Variants in ZDHHC2 observed in about 807,000 individuals in gnomAD.
The protein encoded by ZDHHC2 is palmitoyltransferase ZDHHC2.
A neutral mutation model predicts 55.6 loss-of-function variants in ZDHHC2; 51 were observed. The ratio of observed to expected loss-of-function variants is 0.92; its 90% CI spans 0.73 to 1.16. The LOEUF (loss-of-function observed/expected upper bound fraction) is 1.16. Among genes scored for constraint, ZDHHC2 ranks in the 50% most tolerant of loss-of-function variants. The pLI is 0.00. For missense variants in ZDHHC2, 491 were observed against 442.4 expected (o/e 1.11, Z -0.99); for synonymous variants, 199 against 152.9 (o/e 1.30, Z -2.22).
Position 17,156,864 on chromosome 8 carries a change from C to A in ZDHHC2, c.130+11C>A. The A allele has an allele frequency of 6.7e-7, 1 of 1,489,450 alleles. No individual in the cohort carries two copies. The highest frequency in any genetic ancestry group is 8.9e-7 in the Non-Finnish European group (1 of 1,118,680). The allele number at this position is 1,489,450 out of a possible 1,614,324, so 92.3% of individuals were successfully genotyped here. A position where few individuals can be genotyped will look rare whatever the true frequency, so the allele number is the denominator to read the frequency against. ...TCCAGCTGTGCATAGGTGAGTGCGCCCCCCGCCGCGGCGCCCCCAGCGCAG... is the reference window on the plus strand; with the variant it reads ...TCCAGCTGTGCATAGGTGAGTGCGCACCCCGCCGCGGCGCCCCCAGCGCAG... On this transcript the variant is annotated intron_variant, in intron 1 of 12. Transcript: ENST00000262096.
chr8:17,185,576 A>T (rs1362036485), intron 2 of ZDHHC2, among the ~76,000 whole-genome samples: 1 of 152,100 alleles, frequency 6.6e-6, no homozygotes, highest in Non-Finnish European at 1.5e-5. Context: ...AGGCTGAGGT[A>T]GGAGGATTGC....
At chr8:17,205,601 A>G in intron 6 of ZDHHC2, 54 bp from the exon 7 acceptor site, 2 of 1,509,306 alleles carry the variant, frequency 1.3e-6, no homozygotes, top group South Asian at 1.4e-5. Context: ...GAGCATATGC[A>G]CATGTAGGTT....
In ZDHHC2 at chr8:17,164,402, C is replaced by T. The variant is rs117376906; in HGVS notation, c.130+7549C>T. ...TTTTTAAAATGCAAATGAGTAAGTG[C>T]GTTTATGGATGGCTGGGTTTTATTT... is the stretch of plus-strand genomic sequence containing the variant. On this transcript the variant is annotated intron_variant, in intron 1 of 12. Transcript: ENST00000262096. 3.7e-3 allele frequency among the ~76,000 whole-genome samples: 568 copies of T among 152,134 alleles called. 10 individuals are homozygous for T. In the East Asian group the frequency reaches 0.043, roughly 11 times the overall value.
intron 8 of ZDHHC2, among the ~76,000 whole-genome samples, chr8:17,208,420 A>G (rs868782504): frequency 3.9e-5 from 6 of 152,020 alleles, no homozygotes; most frequent in Middle Eastern, 3.4e-3. Context: ...AATATTTTAG[A>G]AACACTCCAT....
At position 17,156,734 on chromosome 8, in the gene ZDHHC2, C is replaced by A; in HGVS notation, c.11C>A (p.Ser4Ter). The change falls in exon 1 of 13, where the codon TCG (serine) becomes TAG (stop). Residue 4 changes from serine to a stop codon, truncating the protein, a stop_gained. Coordinates refer to ENST00000262096, the MANE Select transcript of ZDHHC2 (RefSeq NM_016353.5). LOFTEE classifies it high-confidence loss of function. The part of the protein sequence containing the change: MAP[S>*]GPGSSARRRC... ...GGATGCGGCTGGAAGATGGCGCCCT[C>A]GGGCCCGGGCAGCAGCGCCAGGCGG... 6.8e-7 allele frequency: 1 copy of A among 1,479,398 alleles called. No individual in the cohort carries two copies. Among genetic ancestry groups the A allele is most frequent in the Non-Finnish European group, 9.0e-7 (1 of 1,112,736 alleles). The allele number at this position is 1,479,398 out of a possible 1,614,324, so 91.6% of individuals were successfully genotyped here.
chr8:17,184,139 A>G (rs1057148495), intron 1 of ZDHHC2, among the ~76,000 whole-genome samples: 3 of 152,172 alleles, frequency 2.0e-5, no homozygotes, highest in African/African-American at 7.2e-5. Flanking sequence ...ATATGTCTTG[A>G]TTACTAAATA....
chr8:17,171,895 C>G (rs1448248862), intron 1 of ZDHHC2, among the ~76,000 whole-genome samples: 2 of 151,750 alleles, frequency 1.3e-5, no homozygotes, highest in Non-Finnish European at 2.9e-5. Flanking sequence ...TGAGTTGACT[C>G]TCCTTTGGCT....
chr8:17,182,903 G>A (rs1217026331), intron 1 of ZDHHC2, among the ~76,000 whole-genome samples: 1 of 152,120 alleles, frequency 6.6e-6, no homozygotes, highest in East Asian at 1.9e-4. Context: ...TGGGATTACA[G>A]GCGCGTGTCA....
chr8:17,180,820 C>A (rs967049374), intron 1 of ZDHHC2, among the ~76,000 whole-genome samples: 1 of 152,140 alleles, frequency 6.6e-6, no homozygotes, highest in Non-Finnish European at 1.5e-5. Flanking sequence ...AATCTCTTTT[C>A]CATTTTGACA....
rs956114352 is a variant in ZDHHC2 at position 17,223,011 on chromosome 8, T to C, written c.*2790T>C. On this transcript the variant is annotated 3_prime_UTR_variant, in exon 13 of 13. Transcript: ENST00000262096. ...AATATGGCATATGTTGACAAACACT[T>C]AACTAGGGAAATCAAAGATATAAAT... is the stretch of plus-strand genomic sequence containing the variant. 9 of 151,866 alleles carry C rather than the reference T, an allele frequency of 5.9e-5. No homozygotes were observed. Among genetic ancestry groups the C allele is most frequent in the Non-Finnish European group, 2.9e-5 (2 of 67,822 alleles). The allele number at this position is 151,866 out of a possible 1,614,324, so 9.4% of individuals were successfully genotyped here.
rs1001225063 is a variant in ZDHHC2 at position 17,184,792 on chromosome 8, C to G, written c.134C>G (p.Ser45Cys). The change falls in exon 2 of 13, where the codon TCC (serine) becomes TGC (cysteine). Residue 45 changes from serine (S) to cysteine (C), a missense_variant. Physicochemically the swap from Ser to Cys is moderately radical, Grantham distance 112 (BLOSUM62 -1). Coordinates refer to ENST00000262096, the MANE Select transcript of ZDHHC2 (RefSeq NM_016353.5). ...YAYAIQLCIV[S>C]MENTGEQVVC... is the part of the protein sequence containing the mutation. ...TTACCTTTTTTTCTCTTTACAGTGT[C>G]CATGGAAAACACTGGCGAACAAGGT... 7.1e-6 allele frequency: 11 copies of G among 1,549,950 alleles called. No homozygotes were observed. Among genetic ancestry groups the G allele is most frequent in the Non-Finnish European group, 7.9e-6 (9 of 1,146,184 alleles).
At chr8:17,208,329 T>A (rs1563167508) in intron 8 of ZDHHC2, among the ~76,000 whole-genome samples, 1 of 150,052 alleles carries the variant, frequency 6.7e-6, no homozygotes, top group Non-Finnish European at 1.5e-5. Context: ...TATCTATATA[T>A]AGATATATAG....
chr8:17,176,257 G>T (rs899744904), intron 1 of ZDHHC2, among the ~76,000 whole-genome samples: 2 of 152,158 alleles, frequency 1.3e-5, no homozygotes, highest in Non-Finnish European at 2.9e-5. Flanking sequence ...GGAATATCAG[G>T]ACTGGCTTGT....
chr8:17,215,438 G>T (rs1056987087), intron 11 of ZDHHC2, 89 bp downstream of exon 11: 1 of 995,770 alleles, frequency 1.0e-6, no homozygotes, highest in African/African-American at 1.7e-5. Context: ...ACTACCTACA[G>T]ATGTTTTCTT....
intron 10 of ZDHHC2, among the ~76,000 whole-genome samples, chr8:17,213,799 C>T (rs1050191781): frequency 2.0e-5 from 3 of 152,120 alleles, no homozygotes; most frequent in African/African-American, 7.2e-5. Context: ...GGTTAGTCTT[C>T]TGTACCCGTT....
At chr8:17,208,151 A>G in intron 8 of ZDHHC2, 59 bp downstream of exon 8, 1 of 1,453,090 alleles carries the variant, frequency 6.9e-7, no homozygotes, top group South Asian at 1.5e-5. Flanking sequence ...ACATTCATTG[A>G]CAGTTGCTAT....
chr8:17,181,759 A>G (rs1461536300), intron 1 of ZDHHC2, among the ~76,000 whole-genome samples: 2 of 152,174 alleles, frequency 1.3e-5, no homozygotes, highest in African/African-American at 4.8e-5. Flanking sequence ...TTGTATTGTT[A>G]TAAATAATCA....
rs775102879 is a variant in ZDHHC2 at position 17,217,238 on chromosome 8, T to C, written c.*26T>C. 6.3e-6 allele frequency: 10 copies of C among 1,597,378 alleles called. No individual in the cohort carries two copies. In the African/African-American group the frequency reaches 1.1e-4, roughly 17 times the overall value. ...CTCTTCAAGCAAGATAAATTCATACTTTATAAAAGTACGATAATTTTCCCT... is the reference window on the plus strand; with the variant it reads ...CTCTTCAAGCAAGATAAATTCATACCTTATAAAAGTACGATAATTTTCCCT... On this transcript the variant is annotated 3_prime_UTR_variant, in exon 12 of 13. Transcript: ENST00000262096.
chr8:17,185,408 G>A (rs1429175972), intron 2 of ZDHHC2, among the ~76,000 whole-genome samples: 2 of 152,024 alleles, frequency 1.3e-5, no homozygotes. Context: ...TGTAATCTCA[G>A]CACCTTGGGA....
Sources: gnomAD v4.1 joint callset for allele counts (sites outside exome capture counted in the v4.1 genomes callset) on GRCh38, gnomAD v4.1.1 for gene constraint, MANE v1.5 for transcripts, NCBI Gene and HGNC (gene_info 2026-07-23, HGNC 2026-07-21) for gene names.